ATF6: variants seen among roughly 807,000 people sequenced by gnomAD.
ATF6 encodes activating transcription factor 6.
In ATF6, 53 loss-of-function variants were observed where a neutral mutation model predicts 83.6. The ratio of observed to expected loss-of-function variants is 0.63; its 90% CI spans 0.51 to 0.80. The LOEUF is 0.80. Ranked by LOEUF, ATF6 falls within the 30% of genes least tolerant of loss-of-function variation. ATF6 has a pLI of 0.00. For synonymous variants in ATF6, 288 were observed against 285.8 expected, an observed-to-expected ratio of 1.01 and a Z score of -0.08; for missense variants, 744 against 797.9, an observed-to-expected ratio of 0.93 and a Z score of 0.81.
intron 15 of ATF6, among the ~76,000 whole-genome samples, chr1:161,925,947 A>G (rs1055654920): frequency 2.0e-5 from 3 of 152,170 alleles, no homozygotes; most frequent in South Asian, 2.1e-4. Flanking sequence ...AAGTTGGACT[A>G]AAGTGCACAT....
At chr1:161,779,838 A>G (rs1327659193) in intron 2 of ATF6, among the ~76,000 whole-genome samples, 1 of 151,904 alleles carries the variant, frequency 6.6e-6, no homozygotes, top group South Asian at 2.1e-4. Context: ...CCCAGGTTCA[A>G]GCGATTCTCA....
At chr1:161,799,322 T>C in intron 6 of ATF6, among the ~76,000 whole-genome samples, 1 of 152,240 alleles carries the variant, frequency 6.6e-6, no homozygotes, top group African/African-American at 2.4e-5. Context: ...AGATAATTAA[T>C]GCAGGAACAG....
intron 15 of ATF6, among the ~76,000 whole-genome samples, chr1:161,949,681 A>G (rs147555127): frequency 1.3e-5 from 2 of 152,320 alleles, no homozygotes; most frequent in African/African-American, 4.8e-5. Context: ...ACATGATGAG[A>G]GAAGCAGCAA....
chr1:161,855,210 C>T (rs1311767621), intron 12 of ATF6, among the ~76,000 whole-genome samples: 1 of 152,048 alleles, frequency 6.6e-6, no homozygotes, highest in African/African-American at 2.4e-5. Context: ...AGTAGGGAGA[C>T]AAGAAGCCAT....
intron 7 of ATF6, among the ~76,000 whole-genome samples, chr1:161,806,367 C>T (rs921931137): frequency 6.6e-6 from 1 of 152,204 alleles, no homozygotes; most frequent in Non-Finnish European, 1.5e-5. Context: ...TGAAACATTA[C>T]TGCCCTTGTT....
At chr1:161,877,021 C>A (rs1256326320) in intron 14 of ATF6, among the ~76,000 whole-genome samples, 2 of 151,918 alleles carry the variant, frequency 1.3e-5, no homozygotes, top group African/African-American at 4.8e-5. Context: ...AGTATACATT[C>A]TTCTTTGTTG....
intron 13 of ATF6, among the ~76,000 whole-genome samples, chr1:161,861,105 A>G (rs1431995647): frequency 6.6e-6 from 1 of 152,196 alleles, no homozygotes; most frequent in Non-Finnish European, 1.5e-5. Context: ...AGCACTTAGC[A>G]TGGTACATAA....
chr1:161,789,656 A>G (rs1264792244), intron 4 of ATF6, among the ~76,000 whole-genome samples: 1 of 152,054 alleles, frequency 6.6e-6, no homozygotes, highest in African/African-American at 2.4e-5. Context: ...TTTTATCCTG[A>G]CTTTAATTGT....
In ATF6 at chr1:161,961,329, C is replaced by A. The variant is rs1689095161; in HGVS notation, c.*2675C>A. The A allele has an allele frequency of 6.6e-6, 1 of 152,236 alleles. No individual in the cohort carries two copies. 9.4% of individuals were successfully genotyped at this position (152,236 alleles called of 1,614,324 possible). A position where few individuals can be genotyped will look rare whatever the true frequency, so the allele number is the denominator to read the frequency against. ...GAGCTTTGCCTTCTTTTGTCTCTCA[C>A]TAGCCCTTCTACTCTTTGTCATTGC... is the stretch of plus-strand genomic sequence containing the variant. On this transcript the variant is annotated 3_prime_UTR_variant, in exon 16 of 16. Transcript: ENST00000367942.
chr1:161,889,314 TC>T (rs1026682279), intron 14 of ATF6, among the ~76,000 whole-genome samples: 2 of 152,314 alleles, frequency 1.3e-5, no homozygotes, highest in African/African-American at 4.8e-5. Flanking sequence ...GAAGGACCTT[TC>T]CCAGTTTTCC....
intron 1 of ATF6, among the ~76,000 whole-genome samples, chr1:161,774,984 C>T (rs1218434225): frequency 6.6e-6 from 1 of 152,138 alleles, no homozygotes; most frequent in East Asian, 1.9e-4. Context: ...GGAAAAATGA[C>T]CAATTCCAGG....
intron 15 of ATF6, 118 bp from the exon 16 acceptor site, chr1:161,958,328 A>C (rs1056718264): frequency 5.0e-6 from 5 of 1,006,856 alleles, no homozygotes; most frequent in Admixed American, 6.0e-5. Context: ...GCACCCCTTG[A>C]AAGTTTACTG....
chr1:161,928,689 G>A (rs1688371876), intron 15 of ATF6, among the ~76,000 whole-genome samples: 1 of 151,832 alleles, frequency 6.6e-6, no homozygotes, highest in African/African-American at 2.4e-5. Context: ...GCCTGTCCTA[G>A]ACCAACAGAC....
chr1:161,771,417 G>A (rs547349708), intron 1 of ATF6, among the ~76,000 whole-genome samples: 31 of 151,964 alleles, frequency 2.0e-4, no homozygotes, highest in African/African-American at 6.3e-4. Flanking sequence ...GTAATGCCCC[G>A]GTGAACGGTT....
At chr1:161,846,676 T>C (rs1420371237) in intron 10 of ATF6, 96 bp downstream of exon 10, 12 of 1,270,708 alleles carry the variant, frequency 9.4e-6, no homozygotes, top group African/African-American at 1.5e-5. Context: ...AAATTGTTCG[T>C]GTATATTTTG....
At chr1:161,784,843 T>G (rs1684711368) in intron 4 of ATF6, among the ~76,000 whole-genome samples, 1 of 152,200 alleles carries the variant, frequency 6.6e-6, no homozygotes, top group Non-Finnish European at 1.5e-5. Context: ...CTGGATTAAG[T>G]CAATAGGATT....
At chr1:161,882,276 T>C (rs1336797254) in intron 14 of ATF6, among the ~76,000 whole-genome samples, 1 of 152,066 alleles carries the variant, frequency 6.6e-6, no homozygotes, top group Non-Finnish European at 1.5e-5. Flanking sequence ...AACAAAAGTG[T>C]AATGGGTAGC....
At chr1:161,867,678 G>A (rs972106704) in intron 14 of ATF6, among the ~76,000 whole-genome samples, 3 of 152,154 alleles carry the variant, frequency 2.0e-5, no homozygotes, top group African/African-American at 7.2e-5. Flanking sequence ...CAAATGAGAT[G>A]GATGCCTACT....
intron 14 of ATF6, among the ~76,000 whole-genome samples, chr1:161,887,586 A>G (rs983608715): frequency 6.6e-6 from 1 of 152,198 alleles, no homozygotes; most frequent in African/African-American, 2.4e-5. Flanking sequence ...AGACAGAGAA[A>G]TCAGTGAAAA....
Sources: gnomAD v4.1 joint callset for allele counts (sites outside exome capture counted in the v4.1 genomes callset) on GRCh38, gnomAD v4.1.1 for gene constraint, MANE v1.5 for transcripts, NCBI Gene and HGNC (gene_info 2026-07-23, HGNC 2026-07-21) for gene names.